Variants in ZNF267 observed in about 807,000 individuals in gnomAD.
The protein encoded by ZNF267 is zinc finger protein 267.
Under a neutral mutation model 71.6 loss-of-function variants are expected in ZNF267, and 61 were observed. The ratio of observed to expected loss-of-function variants is 0.85; its 90% CI spans 0.69 to 1.05. The LOEUF is 1.05. Among genes scored for constraint, ZNF267 ranks in the 50% least tolerant of loss-of-function variants. The probability of loss-of-function intolerance (pLI) is 0.00; values close to 1 mark genes in which losing one functional copy is unlikely to be tolerated. For missense variants in ZNF267, 852 were observed against 870.0 expected, an observed-to-expected ratio of 0.98 and a Z score of 0.26; for synonymous variants, 288 against 293.2, an observed-to-expected ratio of 0.98 and a Z score of 0.18.
At chr16:31,895,328 AT>A (rs1280841154) in intron 3 of ZNF267, among the ~76,000 whole-genome samples, 1 of 152,230 alleles carries the variant, frequency 6.6e-6, no homozygotes, top group Non-Finnish European at 1.5e-5. Flanking sequence ...AAAGTATTTA[AT>A]AGTATGTACG....
At chr16:31,903,810 A>G (rs2084063154) in intron 3 of ZNF267, among the ~76,000 whole-genome samples, 1 of 151,692 alleles carries the variant, frequency 6.6e-6, no homozygotes. Context: ...GATCTTAGTT[A>G]TTTCTTGCCT....
rs1193906632 is a variant in ZNF267, at chr16:31,903,091, C to A, written c.227-11385C>A. ...TCTGTTTATATGCTGGATTATGTTTCTTGAATTTCGTATTTTGAACCAGCC... is the reference window on the plus strand; with the variant it reads ...TCTGTTTATATGCTGGATTATGTTTATTGAATTTCGTATTTTGAACCAGCC... On this transcript the variant is annotated intron_variant, in intron 3 of 3. Transcript: ENST00000300870. Among the ~76,000 whole-genome samples the A allele has an allele frequency of 2.6e-5, 4 of 152,114 alleles. No homozygotes were observed. The East Asian group carries it at 7.7e-4, about 29-fold the overall frequency.
chr16:31,883,148 A>G (rs192449582), intron 1 of ZNF267, among the ~76,000 whole-genome samples: 13 of 152,342 alleles, frequency 8.5e-5, no homozygotes, highest in Middle Eastern at 3.4e-3. Context: ...ATTAACATAT[A>G]ACAAATATGT....
chr16:31,902,824 A>G (rs1360164174), intron 3 of ZNF267, among the ~76,000 whole-genome samples: 1 of 152,104 alleles, frequency 6.6e-6, no homozygotes, highest in Non-Finnish European at 1.5e-5. Flanking sequence ...AACTTCCAAC[A>G]CTATGTTGAA....
intron 3 of ZNF267, among the ~76,000 whole-genome samples, chr16:31,888,040 C>T (rs2083935612): frequency 6.6e-6 from 1 of 151,976 alleles, no homozygotes; most frequent in Non-Finnish European, 1.5e-5. Context: ...TTTTCAATTA[C>T]TTTCATCAGT....
chr16:31,914,706 C>CT lies in ZNF267; in HGVS notation c.460dup (p.Ser154PhefsTer8). The CT allele has an allele frequency of 6.2e-7, 1 of 1,614,064 alleles. No individual in the cohort carries two copies. The highest frequency in any genetic ancestry group is 8.5e-7 in the Non-Finnish European group (1 of 1,179,994). ...TGAAAGTTTGTTTCACCAGCAAATA[C>CT]TTTCTTCTTGTGCCAAAAGCTATAA... On this transcript the variant is annotated frameshift_variant, in exon 4 of 4. Coordinates refer to ENST00000300870, the MANE Select transcript of ZNF267 (RefSeq NM_003414.6). LOFTEE classifies it high-confidence loss of function.
Position 31,916,660 on chromosome 16 carries a change from T to C in ZNF267, c.*179T>C. ...AAAAAATCCATACAAATATTAAAAATGTGGCAAATTATTTTAAACTGTGCT... is the reference window on the plus strand; with the variant it reads ...AAAAAATCCATACAAATATTAAAAACGTGGCAAATTATTTTAAACTGTGCT... On this transcript the variant is annotated 3_prime_UTR_variant, in exon 4 of 4. Transcript: ENST00000300870. 4 of 680,466 alleles carry C rather than the reference T, an allele frequency of 5.9e-6. No individual in the cohort carries two copies. Among genetic ancestry groups the C allele is most frequent in the Non-Finnish European group, 4.8e-6 (2 of 417,860 alleles). The allele number at this position is 680,466 out of a possible 1,614,324, so 42.2% of individuals were successfully genotyped here.
At position 31,873,901 on chromosome 16, in the gene ZNF267, G is replaced by A. The variant is rs2083832090; in HGVS notation, c.-66G>A. 3 of 1,610,936 alleles carry A rather than the reference G, an allele frequency of 1.9e-6. No homozygotes were observed. Among genetic ancestry groups the A allele is most frequent in the African/African-American group, 1.3e-5 (1 of 74,852 alleles). ...TCTGAGAATAAACAGAACCTCTGTT[G>A]CTCTGCGACTTGCAGGCACTGGGAG... On this transcript the variant is annotated 5_prime_UTR_variant, in exon 1 of 4. Transcript: ENST00000300870.
intron 3 of ZNF267, 60 bp from the exon 4 acceptor site, chr16:31,914,416 T>C: frequency 1.0e-5 from 14 of 1,404,872 alleles, no homozygotes; most frequent in Non-Finnish European, 1.3e-5. Flanking sequence ...ATATTAGATT[T>C]GTAAAATATA....
intron 3 of ZNF267, among the ~76,000 whole-genome samples, chr16:31,899,153 A>G (rs1317021117): frequency 6.6e-6 from 1 of 152,206 alleles, no homozygotes; most frequent in African/African-American, 2.4e-5. Context: ...GATATCTAGG[A>G]CTTGAAGTCA....
chr16:31,879,541 C>T (rs1170859911), intron 1 of ZNF267, among the ~76,000 whole-genome samples: 4 of 152,124 alleles, frequency 2.6e-5, no homozygotes, highest in Non-Finnish European at 5.9e-5. Flanking sequence ...TAAACCTGTA[C>T]GATGCCTGTA....
chr16:31,914,824 A>G lies in ZNF267; in HGVS notation c.575A>G (p.Lys192Arg). ...TGGGGAAAACATCACATATATGATA[A>G]AACTTCAGTGTTATTTAGGCAGGTC... Reference protein sequence around the residue: ...DIWGKHHIYDKTSVLFRQVST... With the variant: ...DIWGKHHIYDRTSVLFRQVST... The change falls in exon 4 of 4, where the codon AAA becomes AGA. Residue 192 changes from lysine (K) to arginine (R), a missense_variant. Coordinates refer to ENST00000300870, the MANE Select transcript of ZNF267 (RefSeq NM_003414.6). The G allele has an allele frequency of 6.2e-7, 1 of 1,611,332 alleles. No individual in the cohort carries two copies. Among genetic ancestry groups the G allele is most frequent in the Non-Finnish European group, 8.5e-7 (1 of 1,179,216 alleles).
In ZNF267 at chr16:31,915,122, A is replaced by C. The variant is rs2084164074; in HGVS notation, c.873A>C (p.Arg291Ser). ...TTCAACATCAGACCATCCATATCAG[A>C]GAAAACTCATATAGCTATAACAAAT... The part of the protein sequence containing the change: ...KHIQHQTIHI[R>S]ENSYSYNKYD... The change falls in exon 4 of 4, where the codon AGA becomes AGC. Residue 291 changes from arginine (R) to serine (S), a missense_variant. Transcript: ENST00000300870. The C allele has an allele frequency of 6.2e-7, 1 of 1,613,336 alleles. No homozygotes were observed. The highest frequency in any genetic ancestry group is 1.3e-5 in the African/African-American group (1 of 75,016).
intron 2 of ZNF267, 23 bp downstream of exon 2, chr16:31,884,647 A>G (rs772075131): frequency 1.2e-6 from 2 of 1,601,972 alleles, no homozygotes; most frequent in African/African-American, 1.3e-5. Flanking sequence ...TGCCTTCGGA[A>G]TATCTAATAA....
At position 31,916,259 on chromosome 16, in the gene ZNF267, C is replaced by T; in HGVS notation, c.2010C>T (p.Asn670=). ...YKCEECGKAF[N]SRSYLTTHRR... is the part of the protein sequence containing the mutation. ...GTGAAGAATGTGGCAAAGCCTTCAA[C>T]TCTAGGTCATACCTCACTACACATC... The change falls in exon 4 of 4, where the codon AAC becomes AAT. Residue 670 remains asparagine, a synonymous_variant. Coordinates refer to ENST00000300870, the MANE Select transcript of ZNF267 (RefSeq NM_003414.6). The T allele has an allele frequency of 6.2e-7, 1 of 1,614,052 alleles. No individual in the cohort carries two copies. The highest frequency in any genetic ancestry group is 1.1e-5 in the South Asian group (1 of 91,068).
intron 3 of ZNF267, among the ~76,000 whole-genome samples, chr16:31,900,575 G>C (rs2142349735): frequency 6.6e-6 from 1 of 152,126 alleles, no homozygotes; most frequent in African/African-American, 2.4e-5. Flanking sequence ...CTCTTGAGTA[G>C]CTGGGACTAC....
intron 3 of ZNF267, among the ~76,000 whole-genome samples, chr16:31,897,976 C>T (rs527419632): frequency 2.0e-5 from 3 of 152,202 alleles, no homozygotes; most frequent in African/African-American, 7.2e-5. Context: ...TATGTTAAGT[C>T]TAATTGTCTT....
chr16:31,894,642 G>GC (rs1354185761), intron 3 of ZNF267: 5 of 484,886 alleles, frequency 1.0e-5, no homozygotes, highest in African/African-American at 2.0e-5. Flanking sequence ...CGCTGGACAT[G>GC]CCTGCTGGAG....
chr16:31,885,501 C>T (rs1274849656), intron 3 of ZNF267, among the ~76,000 whole-genome samples: 1 of 152,238 alleles, frequency 6.6e-6, no homozygotes, highest in African/African-American at 2.4e-5. Context: ...AAGTGCTCCC[C>T]TTGGCCTGTG....
Sources: gnomAD v4.1 joint callset for allele counts (sites outside exome capture counted in the v4.1 genomes callset) on GRCh38, gnomAD v4.1.1 for gene constraint, MANE v1.5 for transcripts, NCBI Gene and HGNC (gene_info 2026-07-23, HGNC 2026-07-21) for gene names.